Variants in BARX2 observed in about 807,000 individuals in gnomAD.
BARX2 encodes the protein BARX homeobox 2, also known as homeobox protein BarH-like 2.
Under a neutral mutation model 25.5 loss-of-function variants are expected in BARX2, and 11 were observed. That is an observed-to-expected ratio of 0.43 (90% confidence interval 0.27 to 0.71). BARX2 has a LOEUF of 0.71. Ranked by LOEUF, BARX2 falls within the 30% of genes least tolerant of loss-of-function variation. The pLI, the probability that BARX2 is intolerant of heterozygous loss-of-function variation, is 0.19. For missense variants in BARX2, 360 were observed against 359.9 expected, an observed-to-expected ratio of 1.00 and a Z score of 0.00; for synonymous variants, 137 against 149.5, an observed-to-expected ratio of 0.92 and a Z score of 0.61.
chr11:129,419,686 A>G (rs1197967881), intron 1 of BARX2, among the ~76,000 whole-genome samples: 2 of 152,088 alleles, frequency 1.3e-5, no homozygotes, highest in African/African-American at 4.8e-5. Context: ...AAAAGACACC[A>G]GGCTGATTTA....
intron 1 of BARX2, among the ~76,000 whole-genome samples, chr11:129,398,452 C>A (rs1208246583): frequency 2.6e-5 from 4 of 152,092 alleles, no homozygotes; most frequent in Admixed American, 2.6e-4. Context: ...TGCTGAAGTG[C>A]CTGAAGATTC....
intron 1 of BARX2, among the ~76,000 whole-genome samples, chr11:129,420,520 ATCTC>A (rs910737090): frequency 1.3e-5 from 2 of 152,228 alleles, no homozygotes; most frequent in African/African-American, 4.8e-5. Context: ...AGAAAAAATA[ATCTC>A]TCTTCTGTTA....
chr11:129,375,941 GGGCCCA>G lies in BARX2; in HGVS notation c.-89_-84del. The G allele has an allele frequency of 1.3e-6, 1 of 740,810 alleles. No homozygotes were observed. The highest frequency in any genetic ancestry group is 1.3e-4 in the East Asian group (1 of 7,970). 45.9% of individuals were successfully genotyped at this position (740,810 alleles called of 1,614,324 possible). A position where few individuals can be genotyped will look rare whatever the true frequency, so the allele number is the denominator to read the frequency against. On this transcript the variant is annotated 5_prime_UTR_variant, in exon 1 of 4. Transcript: ENST00000281437. The surrounding 1 kb of genome is among the most constrained non-coding windows in gnomAD (Gnocchi z 4.0). ...GCCGCCTCCCCAGCTGCCGGGAGCG[GGGCCCA>G]GGCCCCGCCGTCGCGCCAGCCCCGC...
chr11:129,375,673 C>T (rs1653432856), upstream of BARX2, among the ~76,000 whole-genome samples: 1 of 151,796 alleles, frequency 6.6e-6, no homozygotes, highest in African/African-American at 2.4e-5. This position sits in a 1 kb window ranked among gnomAD's most constrained non-coding sequence, Gnocchi z 4.0. Context: ...CGGGAGGCAG[C>T]GACTGAGAGC....
intron 3 of BARX2, among the ~76,000 whole-genome samples, chr11:129,445,260 C>A (rs1400621977): frequency 6.6e-6 from 1 of 152,202 alleles, no homozygotes; most frequent in Admixed American, 6.5e-5. Flanking sequence ...CACCACCCAC[C>A]TTCTTCCTCG....
intron 1 of BARX2, among the ~76,000 whole-genome samples, chr11:129,386,448 G>C (rs7104514): frequency 6.6e-6 from 1 of 151,982 alleles, no homozygotes; most frequent in African/African-American, 2.4e-5. Flanking sequence ...GTTGATATTG[G>C]CATGTTATTA....
At chr11:129,407,005 T>C (rs10160233) in intron 1 of BARX2, among the ~76,000 whole-genome samples, 2,364 of 152,336 alleles carry the variant, frequency 0.016, 75 homozygotes, top group African/African-American at 0.055. Flanking sequence ...TATATCCTAC[T>C]ACGGGAAGGA....
rs1861496801 is a variant in BARX2 at position 129,375,902 on chromosome 11, G to T, written c.-134G>T. ...GCCCGCTACCCGCTCTCCTCCGCGC[G>T]CCACCCGAGCCCCGCCGCCTCCCCA... is the stretch of plus-strand genomic sequence containing the variant. On this transcript the variant is annotated 5_prime_UTR_variant, in exon 1 of 4. Transcript: ENST00000281437. The surrounding 1 kb of genome is among the most constrained non-coding windows in gnomAD (Gnocchi z 4.0). 2.9e-6 allele frequency: 1 copy of T among 342,410 alleles called. No homozygotes were observed. The highest frequency in any genetic ancestry group is 4.1e-6 in the Non-Finnish European group (1 of 242,462). 21.2% of individuals were successfully genotyped at this position (342,410 alleles called of 1,614,324 possible).
At chr11:129,427,714 G>T (rs948641607) in intron 1 of BARX2, among the ~76,000 whole-genome samples, 1 of 152,176 alleles carries the variant, frequency 6.6e-6, no homozygotes, top group Non-Finnish European at 1.5e-5. Context: ...GTACTTGGGG[G>T]ATTTTGCCCT....
rs1333635637 is a variant in BARX2, at chr11:129,376,073, G to T, written c.38G>T (p.Gly13Val). The change falls in exon 1 of 4, where the codon GGC becomes GTC. Residue 13 changes from glycine (G) to valine (V), a missense_variant. Physicochemically the swap from Gly to Val is moderately radical, Grantham distance 109. Around this residue, in one of 3 missense-constraint regions of BARX2, gnomAD observed 240 missense variants for 228.7 expected, o/e 1.05. Transcript: ENST00000281437. The surrounding 1 kb of genome is among the most constrained non-coding windows in gnomAD (Gnocchi z 4.2). ...CHAELRLSSP[G>V]QLKAARRRYK... ...GCCGAGCTGAGGCTGAGCTCGCCCG[G>T]CCAGCTCAAAGCAGCCAGGCGGCGC... 6 of 1,607,226 alleles carry T rather than the reference G, an allele frequency of 3.7e-6. No individual in the cohort carries two copies. In the South Asian group the frequency reaches 5.5e-5, roughly 15 times the overall value.
At chr11:129,378,955 A>G (rs1277480126) in intron 1 of BARX2, among the ~76,000 whole-genome samples, 1 of 152,140 alleles carries the variant, frequency 6.6e-6, no homozygotes, top group Non-Finnish European at 1.5e-5. Flanking sequence ...ATTCAAGCAA[A>G]CTGAGAAATG....
At chr11:129,393,527 T>C (rs1861687180) in intron 1 of BARX2, among the ~76,000 whole-genome samples, 1 of 152,002 alleles carries the variant, frequency 6.6e-6, no homozygotes, top group African/African-American at 2.4e-5. Flanking sequence ...ATCCTTTTTT[T>C]TTTTTTCCTG....
At chr11:129,389,971 A>T (rs1397655354) in intron 1 of BARX2, among the ~76,000 whole-genome samples, 1 of 152,164 alleles carries the variant, frequency 6.6e-6, no homozygotes, top group African/African-American at 2.4e-5. Context: ...GTAATGATGG[A>T]TGGCTGTCAC....
upstream of BARX2, among the ~76,000 whole-genome samples, chr11:129,375,771 C>T (rs1209029261): frequency 6.6e-6 from 1 of 152,094 alleles, no homozygotes; most frequent in Non-Finnish European, 1.5e-5. The surrounding 1 kb of genome is among the most constrained non-coding windows in gnomAD (Gnocchi z 4.0). Flanking sequence ...GCACACACTC[C>T]GCACCCGGCC....
chr11:129,427,926 C>T (rs1416874261), intron 1 of BARX2, among the ~76,000 whole-genome samples: 1 of 152,206 alleles, frequency 6.6e-6, no homozygotes, highest in African/African-American at 2.4e-5. Context: ...TGTTCCACAT[C>T]TCCCCAAGCT....
chr11:129,427,956 C>T (rs1164599969), intron 1 of BARX2, among the ~76,000 whole-genome samples: 1 of 152,162 alleles, frequency 6.6e-6, no homozygotes. Context: ...TCTCCGGCAC[C>T]CACCAACCAC....
At chr11:129,423,743 G>T (rs955296092) in intron 1 of BARX2, among the ~76,000 whole-genome samples, 1 of 152,082 alleles carries the variant, frequency 6.6e-6, no homozygotes, top group Admixed American at 6.5e-5. Context: ...TTGTGCTGCT[G>T]CCTCTTATGC....
rs377123371 is a variant in BARX2, at chr11:129,385,412, A to C, written c.187+9190A>C. On this transcript the variant is annotated intron_variant, in intron 1 of 3. Coordinates refer to ENST00000281437, the MANE Select transcript of BARX2 (RefSeq NM_003658.5). ...TTTAGCTGTCCTTTCAGAAGGAAAA[A>C]GGTTAAAATAATATATGCTATATCC... is the stretch of plus-strand genomic sequence containing the variant. Among the ~76,000 whole-genome samples, 9 of 152,350 alleles carry C rather than the reference A, an allele frequency of 5.9e-5. No homozygotes were observed. The East Asian group carries it at 1.5e-3, about 26-fold the overall frequency.
At chr11:129,435,147 G>C (rs1862174571) in intron 1 of BARX2, among the ~76,000 whole-genome samples, 1 of 152,140 alleles carries the variant, frequency 6.6e-6, no homozygotes, top group African/African-American at 2.4e-5. Context: ...TGTGCTGTGA[G>C]ATCCAAACCA....
Sources: allele counts gnomAD v4.1 joint callset (sites outside exome capture counted in the v4.1 genomes callset), GRCh38; gene constraint gnomAD v4.1.1; regional missense constraint gnomAD v4.1.1; non-coding constraint Gnocchi (gnomAD v3.1); transcripts MANE v1.5; gene names NCBI Gene and HGNC (gene_info 2026-07-23, HGNC 2026-07-21).